Variants in LRBA observed in about 807,000 individuals in gnomAD.
LRBA encodes the protein lipopolysaccharide-responsive and beige-like anchor protein.
LRBA carries 176 observed loss-of-function variants against 330.0 expected under a neutral mutation model. The ratio of observed to expected loss-of-function variants is 0.53; its 90% CI spans 0.47 to 0.60. The LOEUF (loss-of-function observed/expected upper bound fraction) is 0.60, where lower values mean the gene tolerates loss of function less well. Ranked by LOEUF, LRBA falls within the 20% of genes least tolerant of loss-of-function variation. The pLI is 0.00. For synonymous variants in LRBA, 1,230 were observed against 1,193.0 expected, an observed-to-expected ratio of 1.03 and a Z score of -0.64; for missense variants, 3,259 against 3,444.8, an observed-to-expected ratio of 0.95 and a Z score of 1.35.
At chr4:150,861,488 G>T (rs953502681) in intron 22 of LRBA, among the ~76,000 whole-genome samples, 3 of 152,070 alleles carry the variant, frequency 2.0e-5, no homozygotes, top group Non-Finnish European at 4.4e-5. Context: ...CATAGAAAAG[G>T]TATAGTAAAA....
intron 31 of LRBA, among the ~76,000 whole-genome samples, chr4:150,816,266 A>G (rs1380627630): frequency 6.6e-6 from 1 of 151,984 alleles, no homozygotes; most frequent in African/African-American, 2.4e-5. Flanking sequence ...TTTTCCGTCA[A>G]TCTCAACCTA....
chr4:150,590,383 G>T (rs113913748), intron 39 of LRBA, among the ~76,000 whole-genome samples: 14,091 of 148,202 alleles, frequency 0.095, 900 homozygotes, highest in Non-Finnish European at 0.14. Context: ...AAAAAAACTG[G>T]CAGAATTTTA....
intron 40 of LRBA, among the ~76,000 whole-genome samples, chr4:150,578,263 T>C (rs756835127): frequency 9.9e-5 from 15 of 152,236 alleles, no homozygotes; most frequent in Admixed American, 5.9e-4. Context: ...GTTAGCATTC[T>C]AGCTTAATTA....
intron 44 of LRBA, among the ~76,000 whole-genome samples, chr4:150,453,215 C>G (rs1276611247): frequency 1.3e-5 from 2 of 151,914 alleles, no homozygotes; most frequent in Non-Finnish European, 2.9e-5. Context: ...CCTAGAACAG[C>G]CAAACAATTT....
At chr4:150,676,681 T>A (rs1234069950) in intron 37 of LRBA, among the ~76,000 whole-genome samples, 1 of 152,174 alleles carries the variant, frequency 6.6e-6, no homozygotes, top group East Asian at 1.9e-4. Flanking sequence ...TAGACCCATA[T>A]AAAACCATAA....
chr4:150,578,882 C>G (rs191446971), intron 40 of LRBA, among the ~76,000 whole-genome samples: 16 of 152,318 alleles, frequency 1.1e-4, no homozygotes, highest in African/African-American at 3.8e-4. Context: ...AGCACCACAG[C>G]TCTGGGCTGA....
chr4:151,015,628 T>G (rs1579512292), upstream of LRBA: 1 of 152,168 alleles, frequency 6.6e-6, no homozygotes, highest in East Asian at 1.9e-4. Flanking sequence ...CTGCTGCGAG[T>G]GGTGAGGATG....
intron 40 of LRBA, among the ~76,000 whole-genome samples, chr4:150,496,148 G>A (rs577290853): frequency 5.9e-5 from 9 of 152,038 alleles, no homozygotes; most frequent in African/African-American, 2.2e-4. Context: ...TTATGAAAAG[G>A]ATATATTATT....
rs545845284 is a variant in LRBA, at chr4:150,830,836, T to G, written c.4729+981A>C. Among the ~76,000 whole-genome samples the G allele has an allele frequency of 4.7e-5, 7 of 148,044 alleles. No homozygotes were observed. The East Asian group carries it at 1.4e-3, about 30-fold the overall frequency. On this transcript the variant is annotated intron_variant, in intron 29 of 56. Coordinates refer to ENST00000651943, the MANE Select transcript of LRBA (RefSeq NM_001364905.1). Reference sequence around the variant, plus strand: ...GGAGTTGTTGTGGTGGGATCTCTGCTCACTGCAACCTCTGCCTCCCAAGTT... The same window carrying G: ...GGAGTTGTTGTGGTGGGATCTCTGCGCACTGCAACCTCTGCCTCCCAAGTT...
chr4:150,719,134 T>C (rs1728607857), intron 36 of LRBA, among the ~76,000 whole-genome samples: 1 of 152,102 alleles, frequency 6.6e-6, no homozygotes, highest in South Asian at 2.1e-4. Context: ...AAAATATATA[T>C]ACTTTTCAGA....
chr4:150,772,240 T>C (rs1736680795), intron 34 of LRBA, among the ~76,000 whole-genome samples: 1 of 152,228 alleles, frequency 6.6e-6, no homozygotes, highest in African/African-American at 2.4e-5. Context: ...AACTGTTCAC[T>C]TTCAGGTGGT....
At chr4:150,402,038 C>G (rs908675528) in intron 47 of LRBA, among the ~76,000 whole-genome samples, 2 of 151,560 alleles carry the variant, frequency 1.3e-5, no homozygotes, top group South Asian at 4.2e-4. Flanking sequence ...CGCCTGTAAT[C>G]CCAGCACTTT....
chr4:150,720,422 G>A (rs962672975), intron 36 of LRBA, among the ~76,000 whole-genome samples: 7 of 151,916 alleles, frequency 4.6e-5, no homozygotes, highest in Non-Finnish European at 1.0e-4. Flanking sequence ...TAAGGAAAGA[G>A]GCTGAAGTCC....
chr4:150,705,920 G>A (rs1306113822), intron 36 of LRBA, among the ~76,000 whole-genome samples: 4 of 151,880 alleles, frequency 2.6e-5, no homozygotes, highest in Admixed American at 1.3e-4. Context: ...CATCACACTG[G>A]TGATAGAAGT....
chr4:150,859,104 T>C (rs1475244690), intron 22 of LRBA, among the ~76,000 whole-genome samples: 1 of 152,142 alleles, frequency 6.6e-6, no homozygotes, highest in African/African-American at 2.4e-5. Context: ...AGATATTTCA[T>C]CAGTAAACAG....
chr4:150,321,445 A>C lies in LRBA; in HGVS notation c.7453-77T>G. On this transcript the variant is annotated intron_variant, in intron 49 of 56. Transcript: ENST00000651943. This position sits in a 1 kb window ranked among gnomAD's most constrained non-coding sequence, Gnocchi z 4.5. ...AAGGAAAAGATGAAGAAAGACAAGA[A>C]AGAGAGGGGGTGCAGGAAAAGAAGA... The C allele has an allele frequency of 7.9e-7, 1 of 1,262,066 alleles. No individual in the cohort carries two copies. The highest frequency in any genetic ancestry group is 1.1e-6 in the Non-Finnish European group (1 of 924,402). 78.2% of individuals were successfully genotyped at this position (1,262,066 alleles called of 1,614,324 possible).
chr4:150,870,994 A>T (rs2127002707), intron 19 of LRBA, among the ~76,000 whole-genome samples: 1 of 152,336 alleles, frequency 6.6e-6, no homozygotes, highest in African/African-American at 2.4e-5. Flanking sequence ...CTGTAATCCC[A>T]GCACTTTGGG....
At chr4:150,937,809 TA>T (rs1336503147) in intron 2 of LRBA, among the ~76,000 whole-genome samples, 2 of 152,174 alleles carry the variant, frequency 1.3e-5, no homozygotes, top group African/African-American at 2.4e-5. Flanking sequence ...TGAGCATGAT[TA>T]TTTTTCTTCT....
intron 40 of LRBA, among the ~76,000 whole-genome samples, chr4:150,518,202 C>T (rs757828360): frequency 6.6e-6 from 1 of 152,110 alleles, no homozygotes; most frequent in Non-Finnish European, 1.5e-5. Flanking sequence ...TACTTGAACA[C>T]AAGAACTGTG....
Sources: gnomAD v4.1 joint callset for allele counts (sites outside exome capture counted in the v4.1 genomes callset) on GRCh38, gnomAD v4.1.1 for gene constraint, Gnocchi (gnomAD v3.1) non-coding constraint, MANE v1.5 for transcripts, NCBI Gene and HGNC (gene_info 2026-07-23, HGNC 2026-07-21) for gene names.